SCLT1: variants seen among roughly 807,000 people sequenced by gnomAD.
The protein encoded by SCLT1 is sodium channel and clathrin linker 1.
In SCLT1, 78 loss-of-function variants were observed where a neutral mutation model predicts 112.8. That is an observed-to-expected ratio of 0.69 (90% CI 0.58 to 0.83). SCLT1 has a LOEUF of 0.83. Ranked by LOEUF, SCLT1 falls within the 40% of genes least tolerant of loss-of-function variation. The pLI is 0.00. For missense variants in SCLT1, 747 were observed against 770.4 expected (o/e 0.97, Z 0.36); for synonymous variants, 257 against 254.7 (o/e 1.01, Z -0.09).
intron 2 of SCLT1, among the ~76,000 whole-genome samples, chr4:129,063,149 G>A (rs774329499): frequency 4.6e-5 from 7 of 152,082 alleles, no homozygotes; most frequent in Non-Finnish European, 1.0e-4. Flanking sequence ...TCTTCTAATT[G>A]ATCAAGTGTA....
chr4:128,944,398 A>C (rs1310104982), intron 16 of SCLT1, among the ~76,000 whole-genome samples: 1 of 152,162 alleles, frequency 6.6e-6, no homozygotes, highest in Non-Finnish European at 1.5e-5. Flanking sequence ...CAACAACAAA[A>C]AAAGAAAGCT....
Position 128,997,882 on chromosome 4 carries a change from T to G in SCLT1, c.607A>C (p.Met203Leu), listed in dbSNP as rs778612185. 1 of 1,455,028 alleles carries G rather than the reference T, an allele frequency of 6.9e-7. No individual in the cohort carries two copies. The highest frequency in any genetic ancestry group is 2.1e-5 in the Admixed American group (1 of 47,980). 90.1% of individuals were successfully genotyped at this position (1,455,028 alleles called of 1,614,324 possible). ...TKQLHVTNEN[M>L]EVTNQQFLKT... ...TAAATAAGTATACTTACCACTTCCA[T>G]GTTCTCATTAGTAACATGAAGTTGT... is the stretch of plus-strand genomic sequence containing the variant. Residue 203 changes from methionine to leucine, a missense_variant, in exon 8 of 21, where the codon ATG (methionine) becomes CTG (leucine). Transcript: ENST00000281142.
chr4:129,036,251 C>T (rs1344880888), intron 5 of SCLT1, among the ~76,000 whole-genome samples: 1 of 152,018 alleles, frequency 6.6e-6, no homozygotes, highest in Non-Finnish European at 1.5e-5. Context: ...TAGGAATAAA[C>T]ATACTCATGA....
At chr4:128,923,096 T>C (rs1736004337) in intron 18 of SCLT1, among the ~76,000 whole-genome samples, 1 of 152,154 alleles carries the variant, frequency 6.6e-6, no homozygotes, top group Non-Finnish European at 1.5e-5. Context: ...ATTTTGAGTG[T>C]AGAGTTTGGT....
intron 5 of SCLT1, among the ~76,000 whole-genome samples, chr4:129,021,243 T>G (rs566518149): frequency 6.6e-6 from 1 of 152,052 alleles, no homozygotes; most frequent in Admixed American, 6.6e-5. Flanking sequence ...ATCAGGAGAT[T>G]CCCCCGTGTG....
chr4:129,089,623 T>A (rs1028282184), intron 1 of SCLT1, among the ~76,000 whole-genome samples: 1 of 152,134 alleles, frequency 6.6e-6, no homozygotes, highest in Non-Finnish European at 1.5e-5. Flanking sequence ...CAAATGTCCA[T>A]CAATGATAGA....
At chr4:128,987,422 T>C (rs536164556) in intron 9 of SCLT1, among the ~76,000 whole-genome samples, 15 of 152,344 alleles carry the variant, frequency 9.8e-5, no homozygotes, top group South Asian at 4.1e-4. Context: ...AAAGTATTAA[T>C]TGCTGTTTTG....
At chr4:129,035,542 GA>G (rs141885852) in intron 5 of SCLT1, among the ~76,000 whole-genome samples, 2,754 of 147,562 alleles carry the variant, frequency 0.019, 72 homozygotes, top group African/African-American at 0.057. Context: ...ATGTATGAAG[GA>G]AAAAAAAACA....
At chr4:128,900,439 T>C (rs1490952560) in intron 18 of SCLT1, among the ~76,000 whole-genome samples, 1 of 152,078 alleles carries the variant, frequency 6.6e-6, no homozygotes, top group Non-Finnish European at 1.5e-5. Context: ...GGATTCCCTA[T>C]TTAATAAATG....
At chr4:128,943,209 A>G (rs768217503) in intron 16 of SCLT1, 21 bp from the exon 17 acceptor site, 2 of 1,532,384 alleles carry the variant, frequency 1.3e-6, no homozygotes, top group South Asian at 2.3e-5. Context: ...AACGAAATGA[A>G]AAGAATCCTT....
At chr4:128,883,068 C>T (rs1438564098), downstream of SCLT1, among the ~76,000 whole-genome samples, 2 of 149,896 alleles carry the variant, frequency 1.3e-5, no homozygotes, top group Non-Finnish European at 3.0e-5. Context: ...ATCGCTTGAA[C>T]CTGGGAGGCA....
chr4:128,958,343 T>C (rs1739385455), intron 12 of SCLT1, among the ~76,000 whole-genome samples: 1 of 152,192 alleles, frequency 6.6e-6, no homozygotes, highest in Admixed American at 6.5e-5. Flanking sequence ...CTGTACTTCC[T>C]GCCTTGTTTG....
chr4:129,050,789 TC>T (rs1470521666), intron 2 of SCLT1, among the ~76,000 whole-genome samples: 1 of 152,206 alleles, frequency 6.6e-6, no homozygotes, highest in African/African-American at 2.4e-5. Flanking sequence ...GGTGTTTTAG[TC>T]ATGAAGTCTT....
At chr4:129,007,471 T>C (rs1744128932) in intron 5 of SCLT1, among the ~76,000 whole-genome samples, 1 of 152,224 alleles carries the variant, frequency 6.6e-6, no homozygotes, top group Non-Finnish European at 1.5e-5. Flanking sequence ...AAATATAATT[T>C]CGTATCATTA....
intron 5 of SCLT1, among the ~76,000 whole-genome samples, chr4:129,028,867 G>A (rs1746408906): frequency 6.6e-6 from 1 of 151,684 alleles, no homozygotes; most frequent in Non-Finnish European, 1.5e-5. Context: ...GTGGGCAAAG[G>A]ACATGAACAG....
intron 4 of SCLT1, among the ~76,000 whole-genome samples, chr4:129,042,566 G>C (rs1747792441): frequency 6.6e-6 from 1 of 152,154 alleles, no homozygotes; most frequent in Admixed American, 6.5e-5. Flanking sequence ...GAGATTAAGA[G>C]ATTCTTCTAA....
chr4:128,880,208 G>A (rs1470351460), downstream of SCLT1, among the ~76,000 whole-genome samples: 1 of 152,130 alleles, frequency 6.6e-6, no homozygotes, highest in Non-Finnish European at 1.5e-5. Flanking sequence ...GATTAAAAAC[G>A]GGTTGAATTA....
intron 5 of SCLT1, among the ~76,000 whole-genome samples, chr4:129,024,267 ACCC>A (rs1745793678): frequency 6.6e-6 from 1 of 152,100 alleles, no homozygotes; most frequent in Admixed American, 6.5e-5. Context: ...CTGACCCCTG[ACCC>A]CTGAGCAGCC....
At chr4:128,891,425 T>A (rs1341386079) in intron 18 of SCLT1, among the ~76,000 whole-genome samples, 1 of 152,106 alleles carries the variant, frequency 6.6e-6, no homozygotes, top group East Asian at 1.9e-4. Context: ...TATCATAATT[T>A]AAAAAATTTT....
Sources: gnomAD v4.1 joint callset for allele counts (sites outside exome capture counted in the v4.1 genomes callset) on GRCh38, gnomAD v4.1.1 for gene constraint, MANE v1.5 for transcripts, NCBI Gene and HGNC (gene_info 2026-07-23, HGNC 2026-07-21) for gene names.